BAZ1A: variants seen among roughly 807,000 people sequenced by gnomAD.
The protein encoded by BAZ1A is bromodomain adjacent to zinc finger domain protein 1A.
A neutral mutation model predicts 185.2 loss-of-function variants in BAZ1A; 50 were observed. The ratio of observed to expected loss-of-function variants is 0.27; its 90% CI spans 0.22 to 0.34. BAZ1A has a LOEUF of 0.34. Ranked by LOEUF, BAZ1A falls within the 10% of genes least tolerant of loss-of-function variation. BAZ1A has a pLI of 1.00. For synonymous variants in BAZ1A, 571 were observed against 615.6 expected, an observed-to-expected ratio of 0.93 and a Z score of 1.07; for missense variants, 1,356 against 1,839.9, an observed-to-expected ratio of 0.74 and a Z score of 4.81.
At chr14:34,845,599 G>T (rs931042085) in intron 3 of BAZ1A, among the ~76,000 whole-genome samples, 1 of 152,016 alleles carries the variant, frequency 6.6e-6, no homozygotes, top group Admixed American at 6.5e-5. Flanking sequence ...AGTGGCTCAC[G>T]CCTGTAATCC....
intron 16 of BAZ1A, among the ~76,000 whole-genome samples, chr14:34,782,043 T>C (rs1880072788): frequency 6.6e-6 from 1 of 152,238 alleles, no homozygotes; most frequent in South Asian, 2.1e-4. Context: ...TTAATTCTCT[T>C]AGGTATATAT....
intron 4 of BAZ1A, among the ~76,000 whole-genome samples, chr14:34,824,133 G>A (rs1024149020): frequency 6.7e-6 from 1 of 149,336 alleles, no homozygotes; most frequent in African/African-American, 2.5e-5. Flanking sequence ...CACTTCAAGA[G>A]ACTGAGGTGG....
intron 6 of BAZ1A, among the ~76,000 whole-genome samples, chr14:34,803,380 GAAA>G (rs11448366): frequency 1.1e-4 from 13 of 114,858 alleles, no homozygotes; most frequent in African/African-American, 1.3e-4. Flanking sequence ...TCCATCTCAG[GAAA>G]AAAAAAAAAA....
chr14:34,794,173 G>A (rs1334573420), intron 11 of BAZ1A, among the ~76,000 whole-genome samples: 1 of 151,882 alleles, frequency 6.6e-6, no homozygotes, highest in Non-Finnish European at 1.5e-5. Context: ...CTATTTCAAA[G>A]TCTCTACATG....
At chr14:34,757,602 T>C (rs1886313736) in intron 25 of BAZ1A, among the ~76,000 whole-genome samples, 1 of 149,468 alleles carries the variant, frequency 6.7e-6, no homozygotes. Flanking sequence ...GAGGTGGAGG[T>C]TGCGGTGAGC....
At chr14:34,805,268 C>A (rs149653903) in intron 6 of BAZ1A, among the ~76,000 whole-genome samples, 1 of 152,208 alleles carries the variant, frequency 6.6e-6, no homozygotes, top group Non-Finnish European at 1.5e-5. Flanking sequence ...TGGATTAATA[C>A]ACCAGCATAT....
rs752160851 is a variant in BAZ1A, at chr14:34,802,987, G to A, written c.728C>T (p.Ala243Val). The A allele has an allele frequency of 6.2e-7, 1 of 1,608,902 alleles. No homozygotes were observed. The highest frequency in any genetic ancestry group is 8.5e-7 in the Non-Finnish European group (1 of 1,175,788). Residue 243 changes from alanine (A) to valine (V), a missense_variant and splice_region_variant, in exon 7 of 27, where the codon GCA becomes GTA. By Grantham distance (64) the Ala-to-Val change is moderately conservative. Coordinates refer to ENST00000360310, the MANE Select transcript of BAZ1A (RefSeq NM_013448.3). Reference sequence around the variant, plus strand: ...TATTTTATACGTTGAAAGAGATGATGCCTTAATAAAACAAAGACATAGGGT... The same window carrying A: ...TATTTTATACGTTGAAAGAGATGATACCTTAATAAAACAAAGACATAGGGT... Reference protein sequence around the residue: ...EPQDGVIKIKASSLSTYKIAE... With the variant: ...EPQDGVIKIKVSSLSTYKIAE...
In BAZ1A at chr14:34,800,383, T is replaced by G; in HGVS notation, c.969A>C (p.Glu323Asp). ...KQEEMKSLAFEKAKLKREKAD... is the reference protein window; with the variant it reads ...KQEEMKSLAFDKAKLKREKAD... ...CTTTTTCTCTTTTTAATTTAGCCTT[T>G]TCAAAAGCTGTGAAGAAAAATCAAA... The change falls in exon 9 of 27, where the codon GAA becomes GAC. Residue 323 changes from glutamate (E) to aspartate (D), a missense_variant. Glu to Asp is a conservative substitution (Grantham distance 45). This residue lies in a region of BAZ1A where 332 missense variants were observed against 395.3 expected (regional missense o/e 0.84). Transcript: ENST00000360310. 6.5e-7 allele frequency: 1 copy of G among 1,543,168 alleles called. No individual in the cohort carries two copies.
At chr14:34,863,838 A>G (rs544717544) in intron 2 of BAZ1A, among the ~76,000 whole-genome samples, 3 of 120,902 alleles carry the variant, frequency 2.5e-5, no homozygotes, top group East Asian at 2.1e-4. Context: ...AAATAATTCT[A>G]TATTGTTTGA....
chr14:34,763,044 C>T (rs1433017841), intron 23 of BAZ1A, among the ~76,000 whole-genome samples: 8 of 152,168 alleles, frequency 5.3e-5, no homozygotes, highest in African/African-American at 1.4e-4. Context: ...CTGAATACCA[C>T]GCCAAGAACC....
intron 3 of BAZ1A, among the ~76,000 whole-genome samples, chr14:34,856,338 G>A (rs949051317): frequency 6.9e-5 from 1 of 14,418 alleles, no homozygotes; most frequent in Non-Finnish European, 1.7e-3. Flanking sequence ...CTAGGCTGCA[G>A]CACAGTGGCG....
At chr14:34,811,748 C>T (rs1442709505) in intron 4 of BAZ1A, among the ~76,000 whole-genome samples, 1 of 152,192 alleles carries the variant, frequency 6.6e-6, no homozygotes, top group Non-Finnish European at 1.5e-5. Flanking sequence ...TCATTCACTA[C>T]ATTTTCTTTG....
chr14:34,779,483 G>A (rs1222889925), intron 17 of BAZ1A, among the ~76,000 whole-genome samples: 1 of 151,858 alleles, frequency 6.6e-6, no homozygotes, highest in Non-Finnish European at 1.5e-5. Flanking sequence ...CAATTGCATT[G>A]TAATCAGACA....
chr14:34,755,811 CTTT>C (rs768269206), intron 25 of BAZ1A, among the ~76,000 whole-genome samples: 2 of 138,748 alleles, frequency 1.4e-5, no homozygotes, highest in South Asian at 2.3e-4. Flanking sequence ...TAATACCTAT[CTTT>C]TTTTTTTTTT....
intron 16 of BAZ1A, among the ~76,000 whole-genome samples, chr14:34,781,705 C>T (rs1007897428): frequency 6.6e-6 from 1 of 152,200 alleles, no homozygotes; most frequent in African/African-American, 2.4e-5. Flanking sequence ...CCATGTTAGC[C>T]AGGTTGGTCT....
intron 16 of BAZ1A, among the ~76,000 whole-genome samples, chr14:34,780,763 G>A (rs1199446165): frequency 6.6e-6 from 1 of 152,204 alleles, no homozygotes; most frequent in Non-Finnish European, 1.5e-5. Context: ...GTGAGATTAG[G>A]CTGGGCCTTG....
intron 3 of BAZ1A, among the ~76,000 whole-genome samples, chr14:34,855,764 G>A (rs2042666107): frequency 6.6e-6 from 1 of 152,088 alleles, no homozygotes; most frequent in South Asian, 2.1e-4. Flanking sequence ...GCTGGGTGTG[G>A]TGGCACACAT....
At chr14:34,860,435 G>C (rs1455046764) in intron 3 of BAZ1A, among the ~76,000 whole-genome samples, 1 of 150,334 alleles carries the variant, frequency 6.7e-6, no homozygotes, top group African/African-American at 2.4e-5. Flanking sequence ...TTAAGCCTGG[G>C]AGGTAGAGGT....
chr14:34,871,955 T>A (rs1437368036), intron 2 of BAZ1A, among the ~76,000 whole-genome samples: 1 of 152,232 alleles, frequency 6.6e-6, no homozygotes, highest in Non-Finnish European at 1.5e-5. Flanking sequence ...CAGACCACCA[T>A]ATCCACGTAC....
Sources: gnomAD v4.1 joint callset for allele counts (sites outside exome capture counted in the v4.1 genomes callset) on GRCh38, gnomAD v4.1.1 for gene constraint, gnomAD v4.1.1 regional missense constraint, MANE v1.5 for transcripts, NCBI Gene and HGNC (gene_info 2026-07-23, HGNC 2026-07-21) for gene names.